Variants in RPS6KC1 observed in about 807,000 individuals in gnomAD.
RPS6KC1 encodes the protein inactive ribosomal protein S6 kinase delta-1.
In RPS6KC1, 54 loss-of-function variants were observed where a neutral mutation model predicts 103.8. The observed-to-expected ratio is 0.52, with a 90% confidence interval of 0.42 to 0.65. The LOEUF is 0.65. RPS6KC1 is among the 30% of genes least tolerant of loss of function. RPS6KC1 has a pLI of 0.00. For synonymous variants in RPS6KC1, 439 were observed against 438.7 expected (o/e 1.00, Z -0.01); for missense variants, 1,151 against 1,253.8 (o/e 0.92, Z 1.24).
At chr1:213,363,679 T>TTTCTTTCC in the RPS6KC1 span, among the ~76,000 whole-genome samples, 13 of 89,504 alleles carry the variant, frequency 1.5e-4, no homozygotes, top group East Asian at 1.1e-3. Context: ...TCTTTCTTTC[T>TTTCTTTCC]TTCTTTCTTT....
chr1:213,634,234 AG>A, the RPS6KC1 span, among the ~76,000 whole-genome samples: 1 of 152,216 alleles, frequency 6.6e-6, no homozygotes, highest in Non-Finnish European at 1.5e-5. Context: ...TGGACCTAAT[AG>A]CCATCTACAG....
At chr1:213,632,021 A>G in the RPS6KC1 span, among the ~76,000 whole-genome samples, 1 of 152,172 alleles carries the variant, frequency 6.6e-6, no homozygotes, top group Admixed American at 6.5e-5. Context: ...TAACATTTTA[A>G]GGTTTGCTTC....
chr1:213,484,304 C>A, the RPS6KC1 span, among the ~76,000 whole-genome samples: 1 of 152,196 alleles, frequency 6.6e-6, no homozygotes, highest in African/African-American at 2.4e-5. Flanking sequence ...TCACAAGGTT[C>A]CAATCATGGT....
chr1:213,821,256 G>A, the RPS6KC1 span: 1 of 152,298 alleles, frequency 6.6e-6, no homozygotes, highest in Non-Finnish European at 1.5e-5. Context: ...GCACACAGTG[G>A]TCTCAATCCA....
chr1:213,217,968 A>G (rs1573374035), intron 8 of RPS6KC1, among the ~76,000 whole-genome samples: 1 of 152,240 alleles, frequency 6.6e-6, no homozygotes, highest in Non-Finnish European at 1.5e-5. Context: ...GGCACAAGAC[A>G]GGGATACCCT....
At chr1:213,469,337 A>G in the RPS6KC1 span, among the ~76,000 whole-genome samples, 37 of 152,308 alleles carry the variant, frequency 2.4e-4, no homozygotes, top group Non-Finnish European at 5.9e-5. Flanking sequence ...AAATGGCACT[A>G]CTGATTTTAA....
intron 5 of RPS6KC1, 23 bp downstream of exon 5, chr1:213,117,433 C>G: frequency 7.0e-7 from 1 of 1,427,108 alleles, no homozygotes; most frequent in South Asian, 1.2e-5. Flanking sequence ...AATTTTTTTG[C>G]ATTTCAAAGG....
chr1:213,307,742 GGCT>G, the RPS6KC1 span, among the ~76,000 whole-genome samples: 1 of 152,162 alleles, frequency 6.6e-6, no homozygotes, highest in Non-Finnish European at 1.5e-5. Flanking sequence ...GCCCTGGAGT[GGCT>G]TCTCCATAGG....
the RPS6KC1 span, among the ~76,000 whole-genome samples, chr1:213,631,911 C>T: frequency 6.6e-6 from 1 of 152,118 alleles, no homozygotes; most frequent in Non-Finnish European, 1.5e-5. Flanking sequence ...AGTTGGGACT[C>T]TCTCTCCCCT....
chr1:213,704,094 A>G, the RPS6KC1 span, among the ~76,000 whole-genome samples: 1 of 152,138 alleles, frequency 6.6e-6, no homozygotes, highest in Non-Finnish European at 1.5e-5. Context: ...TGCTCTTAAA[A>G]ACTCTGATGT....
chr1:213,591,207 G>T, the RPS6KC1 span, among the ~76,000 whole-genome samples: 1 of 152,162 alleles, frequency 6.6e-6, no homozygotes, highest in Non-Finnish European at 1.5e-5. Flanking sequence ...TCACCTGTGT[G>T]CTGAGCATAT....
chr1:213,455,595 G>A, the RPS6KC1 span, among the ~76,000 whole-genome samples: 9 of 152,164 alleles, frequency 5.9e-5, no homozygotes, highest in Non-Finnish European at 1.0e-4. Flanking sequence ...AAATTGAGAT[G>A]TCCTTCTCAT....
chr1:213,051,627 G>A, intron 1 of RPS6KC1, 118 bp downstream of exon 1: 1 of 700,746 alleles, frequency 1.4e-6, no homozygotes, highest in Non-Finnish European at 2.5e-6. Flanking sequence ...ACTGGGTGCT[G>A]CTCCTACTGG....
At chr1:213,605,873 G>C in the RPS6KC1 span, among the ~76,000 whole-genome samples, 3 of 152,290 alleles carry the variant, frequency 2.0e-5, no homozygotes, top group South Asian at 6.2e-4. Context: ...ATGTGCAAGG[G>C]AGACAACGCC....
At chr1:213,452,124 C>T in the RPS6KC1 span, among the ~76,000 whole-genome samples, 1 of 152,182 alleles carries the variant, frequency 6.6e-6, no homozygotes, top group Non-Finnish European at 1.5e-5. Flanking sequence ...ACTTTTGAAT[C>T]TTGTTCTTGA....
the RPS6KC1 span, among the ~76,000 whole-genome samples, chr1:213,683,180 T>C: frequency 1.8e-4 from 28 of 152,310 alleles, no homozygotes; most frequent in African/African-American, 6.7e-4. Flanking sequence ...TCATGCTGAT[T>C]TCTCTCTGGA....
the RPS6KC1 span, among the ~76,000 whole-genome samples, chr1:213,694,153 T>C: frequency 3.9e-5 from 6 of 152,342 alleles, no homozygotes; most frequent in African/African-American, 1.4e-4. Flanking sequence ...GCCTCAAACT[T>C]ATCTCCTGCT....
chr1:213,527,963 A>C, the RPS6KC1 span, among the ~76,000 whole-genome samples: 9 of 152,202 alleles, frequency 5.9e-5, no homozygotes, highest in African/African-American at 1.9e-4. Flanking sequence ...TTATTAAGTG[A>C]AAGTGATTCA....
the RPS6KC1 span, among the ~76,000 whole-genome samples, chr1:213,516,679 G>C: frequency 2.6e-5 from 4 of 152,174 alleles, no homozygotes; most frequent in Admixed American, 6.5e-5. Context: ...AGGGATATTG[G>C]TCTAAAATTC....
Sources: gnomAD v4.1 joint callset for allele counts (sites outside exome capture counted in the v4.1 genomes callset) on GRCh38, gnomAD v4.1.1 for gene constraint, MANE v1.5 for transcripts, NCBI Gene and HGNC (gene_info 2026-07-23, HGNC 2026-07-21) for gene names.